Variants in PAPPA2 observed in about 807,000 individuals in gnomAD.
PAPPA2 encodes pappalysin-2.
PAPPA2 carries 86 observed loss-of-function variants against 176.4 expected under a neutral mutation model. The observed-to-expected ratio is 0.49, with a 90% CI of 0.41 to 0.58. The LOEUF is 0.58. Among genes scored for constraint, PAPPA2 ranks in the 20% least tolerant of loss-of-function variants. The pLI is 0.00. For synonymous variants in PAPPA2, 809 were observed against 852.2 expected (o/e 0.95, Z 0.88); for missense variants, 2,073 against 2,256.9 (o/e 0.92, Z 1.65).
chr1:176,628,094 A>G (rs948270792), intron 3 of PAPPA2, among the ~76,000 whole-genome samples: 7 of 152,190 alleles, frequency 4.6e-5, no homozygotes, highest in African/African-American at 9.7e-5. Context: ...TCCAGACACC[A>G]TATTTCCATG....
At position 176,607,991 on chromosome 1, in the gene PAPPA2, C is replaced by A. The variant is rs969170231; in HGVS notation, c.1991+12396C>A. Among the ~76,000 whole-genome samples the A allele has an allele frequency of 3.9e-5, 6 of 152,190 alleles. No homozygotes were observed. The East Asian group carries it at 1.2e-3, about 29-fold the overall frequency. ...CATAAGTAATAAAAACACCCACAAACAAGTATGAGTGAAACTGGGGATATC... is the reference window on the plus strand; with the variant it reads ...CATAAGTAATAAAAACACCCACAAAAAAGTATGAGTGAAACTGGGGATATC... On this transcript the variant is annotated intron_variant, in intron 3 of 22. Coordinates refer to ENST00000367662, the MANE Select transcript of PAPPA2 (RefSeq NM_020318.3).
chr1:176,616,879 A>G (rs1397018856), intron 3 of PAPPA2: 1 of 448,676 alleles, frequency 2.2e-6, no homozygotes, highest in Non-Finnish European at 4.1e-6. Context: ...AGTCGACTTC[A>G]ATATACTCCA....
chr1:176,692,534 C>T (rs1444402216), intron 6 of PAPPA2, among the ~76,000 whole-genome samples: 1 of 152,210 alleles, frequency 6.6e-6, no homozygotes, highest in East Asian at 1.9e-4. Flanking sequence ...AGTGCTCACT[C>T]CCCCCTCAGG....
chr1:176,693,276 T>C (rs569595976), intron 6 of PAPPA2, among the ~76,000 whole-genome samples: 1 of 152,356 alleles, frequency 6.6e-6, no homozygotes, highest in East Asian at 1.9e-4. Context: ...TTATTTAGTC[T>C]TTGCAGTAAA....
intron 1 of PAPPA2, among the ~76,000 whole-genome samples, chr1:176,549,553 G>A (rs1183052182): frequency 6.6e-6 from 1 of 152,198 alleles, no homozygotes; most frequent in Non-Finnish European, 1.5e-5. Flanking sequence ...GGCAGAACAG[G>A]GGCATAATTG....
intron 2 of PAPPA2, among the ~76,000 whole-genome samples, chr1:176,564,783 GT>G (rs1277080850): frequency 7.1e-6 from 1 of 140,806 alleles, no homozygotes; most frequent in African/African-American, 2.7e-5. Context: ...AAGTTCACGT[GT>G]TTAAAGTGTA....
chr1:176,514,500 T>C (rs1359024674), intron 1 of PAPPA2, among the ~76,000 whole-genome samples: 1 of 152,154 alleles, frequency 6.6e-6, no homozygotes, highest in Non-Finnish European at 1.5e-5. Flanking sequence ...CCCCCGGACC[T>C]TAACCCACGT....
At chr1:176,492,161 TG>T (rs1401060817) in intron 1 of PAPPA2, among the ~76,000 whole-genome samples, 2 of 152,150 alleles carry the variant, frequency 1.3e-5, no homozygotes, top group African/African-American at 2.4e-5. Flanking sequence ...TCACAGAGCA[TG>T]GGTGCAGAGA....
intron 7 of PAPPA2, among the ~76,000 whole-genome samples, chr1:176,696,627 G>A (rs1439022133): frequency 1.3e-5 from 2 of 152,172 alleles, no homozygotes; most frequent in Non-Finnish European, 2.9e-5. Context: ...ACTGTTGACA[G>A]GATTTTAGCA....
At chr1:176,625,170 C>T (rs1049989582) in intron 3 of PAPPA2, among the ~76,000 whole-genome samples, 4 of 152,182 alleles carry the variant, frequency 2.6e-5, no homozygotes, top group African/African-American at 9.7e-5. Flanking sequence ...CTCTGACCCA[C>T]TGGACACTGA....
chr1:176,750,621 CAA>C (rs1269899462), intron 14 of PAPPA2, among the ~76,000 whole-genome samples: 2 of 151,844 alleles, frequency 1.3e-5, no homozygotes, highest in Non-Finnish European at 2.9e-5. Context: ...CAAAACAAAA[CAA>C]AGTGACAACA....
intron 3 of PAPPA2, among the ~76,000 whole-genome samples, chr1:176,609,466 A>G (rs1478138404): frequency 6.6e-6 from 1 of 152,216 alleles, no homozygotes; most frequent in African/African-American, 2.4e-5. Context: ...AATAAGGGAA[A>G]CAGAGAGTAC....
chr1:176,679,801 C>A (rs1467739632), intron 4 of PAPPA2, among the ~76,000 whole-genome samples: 1 of 152,022 alleles, frequency 6.6e-6, no homozygotes, highest in Non-Finnish European at 1.5e-5. Flanking sequence ...TAGCAGAAGT[C>A]ATTAGCAAAA....
At position 176,794,198 on chromosome 1, in the gene PAPPA2, G is replaced by A. The variant is rs1467090275; in HGVS notation, c.5130+529G>A. ...GAATTTCTGAGGTCTTAGGTAGTCT[G>A]GCGTTTTGATGAAAAACATATCGAA... is the stretch of plus-strand genomic sequence containing the variant. On this transcript the variant is annotated intron_variant, in intron 20 of 22. Coordinates refer to ENST00000367662, the MANE Select transcript of PAPPA2 (RefSeq NM_020318.3). Among the ~76,000 whole-genome samples, 5 of 152,262 alleles carry A rather than the reference G, an allele frequency of 3.3e-5. No homozygotes were observed. In the East Asian group the frequency reaches 9.6e-4, roughly 29 times the overall value.
chr1:176,615,906 G>T (rs1029995220), intron 3 of PAPPA2, among the ~76,000 whole-genome samples: 1 of 152,152 alleles, frequency 6.6e-6, no homozygotes, highest in Non-Finnish European at 1.5e-5. Context: ...ATGGTGCTGG[G>T]TGTTTTGGCA....
rs1171069357 is a variant in PAPPA2, at chr1:176,699,372, C to T, written c.3019C>T (p.Leu1007Phe). ...GPLDTFCDIPLTIKLHVDGKV... is the reference protein window; with the variant it reads ...GPLDTFCDIPFTIKLHVDGKV... ...CTTAGACACTTTCTGTGACATCCCA[C>T]TCACCATCAAACTGCACGTGGATGG... The change falls in exon 8 of 23, where the codon CTC (leucine) becomes TTC (phenylalanine). Residue 1007 changes from leucine to phenylalanine, a missense_variant. Around this residue, in one of 4 missense-constraint regions of PAPPA2, gnomAD observed 1,196 missense variants for 1,330.4 expected, o/e 0.90. Transcript: ENST00000367662. 1.2e-6 allele frequency: 2 copies of T among 1,614,212 alleles called. No homozygotes were observed. The highest frequency in any genetic ancestry group is 1.1e-5 in the South Asian group (1 of 91,092).
intron 2 of PAPPA2, among the ~76,000 whole-genome samples, chr1:176,588,701 G>A (rs116916083): frequency 6.6e-6 from 1 of 152,298 alleles, no homozygotes; most frequent in East Asian, 1.9e-4. Context: ...GTGGAGGGAG[G>A]GATGTGAGTG....
intron 3 of PAPPA2, among the ~76,000 whole-genome samples, chr1:176,637,385 C>T (rs1293411376): frequency 6.6e-6 from 1 of 152,076 alleles, no homozygotes; most frequent in African/African-American, 2.4e-5. Context: ...GAAGGATAAC[C>T]TGGATATAAA....
At chr1:176,702,019 G>A (rs1660671009) in intron 8 of PAPPA2, among the ~76,000 whole-genome samples, 1 of 152,130 alleles carries the variant, frequency 6.6e-6, no homozygotes, top group South Asian at 2.1e-4. Flanking sequence ...AATAGATTTG[G>A]AGGTGGGGAG....
Sources: allele counts gnomAD v4.1 joint callset (sites outside exome capture counted in the v4.1 genomes callset), GRCh38; gene constraint gnomAD v4.1.1; regional missense constraint gnomAD v4.1.1; transcripts MANE v1.5; gene names NCBI Gene and HGNC (gene_info 2026-07-23, HGNC 2026-07-21).